Variants in KTN1 observed in about 807,000 individuals in gnomAD.
The protein encoded by KTN1 is kinectin 1, also known as kinectin.
KTN1 carries 130 observed loss-of-function variants against 222.5 expected under a neutral mutation model. The observed-to-expected ratio is 0.58, with a 90% CI of 0.51 to 0.68. The LOEUF is 0.68. Ranked by LOEUF, KTN1 falls within the 30% of genes least tolerant of loss-of-function variation. KTN1 has a pLI of 0.00. For missense variants in KTN1, 1,508 were observed against 1,500.4 expected (o/e 1.01, Z -0.08); for synonymous variants, 512 against 496.3 (o/e 1.03, Z -0.42).
intron 40 of KTN1, chr14:55,674,172 T>A (rs900672661): frequency 6.6e-6 from 1 of 152,100 alleles, no homozygotes; most frequent in Non-Finnish European, 1.5e-5. Context: ...ATGGCAAACA[T>A]TTATGGGAAT....
intron 1 of KTN1, among the ~76,000 whole-genome samples, chr14:55,609,591 C>T (rs1336906348): frequency 6.6e-6 from 1 of 152,154 alleles, no homozygotes; most frequent in Non-Finnish European, 1.5e-5. Flanking sequence ...GTCTCATACC[C>T]TCTCTTCTTG....
In KTN1 at chr14:55,631,341, G is replaced by GATTGATATATATATATATATATAT. The variant is rs1555371423; in HGVS notation, c.1221+1246_1221+1247insTGATATATATATATATATATATAT. On this transcript the variant is annotated intron_variant, in intron 7 of 43. Coordinates refer to ENST00000395314, the MANE Select transcript of KTN1 (RefSeq NM_001079521.2). The stretch of plus-strand genomic sequence containing the variant: ...CTAAAACTCACCTATTGATAAGGTT[G>GATTGATATATATATATATATATAT]ATATATATATATATATATATATATA... Among the ~76,000 whole-genome samples the GATTGATATATATATATATATATAT allele has an allele frequency of 7.0e-5, 8 of 114,700 alleles. No homozygotes were observed. The East Asian group carries it at 7.6e-4, about 11-fold the overall frequency. 75.2% of individuals were successfully genotyped at this position (114,700 alleles called of 152,430 possible).
chr14:55,602,620 C>T (rs1478154873), intron 1 of KTN1, among the ~76,000 whole-genome samples: 17 of 150,278 alleles, frequency 1.1e-4, no homozygotes, highest in Admixed American at 4.0e-4. Flanking sequence ...CTCCCTCTGT[C>T]GCCCATGTTA....
At position 55,661,368 on chromosome 14, in the gene KTN1, G is replaced by T. The variant is rs138523302; in HGVS notation, c.3000-154G>T. The T allele has an allele frequency of 2.0e-3, 960 of 488,298 alleles. 5 individuals are homozygous for T. Among genetic ancestry groups the T allele is most frequent in the African/African-American group, 7.5e-3 (380 of 50,702 alleles). 30.2% of individuals were successfully genotyped at this position (488,298 alleles called of 1,614,324 possible). A position where few individuals can be genotyped will look rare whatever the true frequency, so the allele number is the denominator to read the frequency against. On this transcript the variant is annotated intron_variant, in intron 31 of 43. Coordinates refer to ENST00000395314, the MANE Select transcript of KTN1 (RefSeq NM_001079521.2). ...TTCTGAAATTCATAGGATGGGCTTT[G>T]TATGGTCAACAGTAGGTAGACTCTT...
intron 1 of KTN1, among the ~76,000 whole-genome samples, chr14:55,590,278 A>T (rs532721799): frequency 6.6e-6 from 1 of 152,328 alleles, no homozygotes; most frequent in Admixed American, 6.5e-5. Context: ...AATGATTCAG[A>T]CATATAAGAA....
intron 37 of KTN1, 87 bp from the exon 38 acceptor site, chr14:55,672,543 G>A: frequency 1.3e-6 from 1 of 776,604 alleles, no homozygotes; most frequent in Non-Finnish European, 2.2e-6. Flanking sequence ...CCTTGGAAGT[G>A]TCTTTTAATT....
chr14:55,641,072 C>G, intron 16 of KTN1, 55 bp from the exon 17 acceptor site: 4 of 1,471,832 alleles, frequency 2.7e-6, no homozygotes, highest in Admixed American at 1.8e-5. Context: ...GCCCATAATT[C>G]TTGTAGATTT....
At chr14:55,636,649 A>G (rs2041158005) in intron 10 of KTN1, 113 bp downstream of exon 10, 1 of 661,508 alleles carries the variant, frequency 1.5e-6, no homozygotes, top group African/African-American at 1.8e-5. Context: ...GCTCAATAAA[A>G]ATAGCTTTTA....
Position 55,640,021 on chromosome 14 carries a change from A to G in KTN1, c.1914+18A>G. On this transcript the variant is annotated intron_variant, in intron 14 of 43. Transcript: ENST00000395314. The stretch of plus-strand genomic sequence containing the variant: ...AACTTAAGGTATAGTAATTTGTATA[A>G]ATGGCTGCAATATTTTACAGAACTG... 7.3e-7 allele frequency: 1 copy of G among 1,368,726 alleles called. No homozygotes were observed. Among genetic ancestry groups the G allele is most frequent in the South Asian group, 1.2e-5 (1 of 84,298 alleles). The allele number at this position is 1,368,726 out of a possible 1,614,324, so 84.8% of individuals were successfully genotyped here. A position where few individuals can be genotyped will look rare whatever the true frequency, so the allele number is the denominator to read the frequency against.
intron 1 of KTN1, among the ~76,000 whole-genome samples, chr14:55,604,736 G>A (rs547851225): frequency 6.6e-6 from 1 of 151,988 alleles, no homozygotes; most frequent in African/African-American, 2.4e-5. Context: ...GAATAATAAA[G>A]ACTATTGTGG....
intron 1 of KTN1, among the ~76,000 whole-genome samples, chr14:55,605,299 C>T (rs191713102): frequency 4.6e-5 from 7 of 152,254 alleles, no homozygotes; most frequent in East Asian, 3.9e-4. Flanking sequence ...TTATTTGAGA[C>T]GGAGTATTGC....
Position 55,667,169 on chromosome 14 carries a change from GT to G in KTN1, c.3178-65del, listed in dbSNP as rs531123897. The G allele has an allele frequency of 3.5e-3, 3,464 of 986,626 alleles. 12 individuals carry two copies. Among genetic ancestry groups the G allele is most frequent in the Middle Eastern group, 4.7e-3 (22 of 4,696 alleles). The allele number at this position is 986,626 out of a possible 1,614,324, so 61.1% of individuals were successfully genotyped here. ...TCCCGTAGAATTATAAAACACTATA[GT>G]TTTTTTCTTTTCTTTTTTTAAAAAC... On this transcript the variant is annotated intron_variant, in intron 33 of 43. Coordinates refer to ENST00000395314, the MANE Select transcript of KTN1 (RefSeq NM_001079521.2).
At chr14:55,622,905 C>T (rs2039347909) in intron 5 of KTN1, among the ~76,000 whole-genome samples, 2 of 152,200 alleles carry the variant, frequency 1.3e-5, no homozygotes, top group Admixed American at 1.3e-4. Context: ...GCAGCCTCAT[C>T]TAATGACATT....
intron 33 of KTN1, among the ~76,000 whole-genome samples, chr14:55,665,340 T>G (rs1389008064): frequency 1.3e-5 from 2 of 152,048 alleles, no homozygotes; most frequent in African/African-American, 4.8e-5. Flanking sequence ...ATCACACCAT[T>G]CCTACAAGAA....
intron 41 of KTN1, among the ~76,000 whole-genome samples, chr14:55,676,485 A>T (rs966430631): frequency 6.6e-6 from 1 of 152,156 alleles, no homozygotes; most frequent in Admixed American, 6.5e-5. Flanking sequence ...TTTTAGAGCT[A>T]TGATAGTGTT....
At chr14:55,633,413 C>T (rs1393456692) in intron 8 of KTN1, 72 bp downstream of exon 8, 8 of 841,660 alleles carry the variant, frequency 9.5e-6, no homozygotes, top group South Asian at 2.4e-5. Flanking sequence ...ATATTAATAG[C>T]GTTTGATAGT....
chr14:55,625,143 A>G (rs2039645134), intron 5 of KTN1, among the ~76,000 whole-genome samples: 1 of 152,160 alleles, frequency 6.6e-6, no homozygotes, highest in African/African-American at 2.4e-5. Flanking sequence ...TGCCACTTGC[A>G]GCTTTGTGGC....
chr14:55,639,217 T>G lies in KTN1; in HGVS notation c.1818T>G (p.His606Gln). Residue 606 changes from histidine to glutamine, a missense_variant, in exon 13 of 44, where the codon CAT (histidine) becomes CAG (glutamine). His to Gln is a conservative substitution (Grantham distance 24). Coordinates refer to ENST00000395314, the MANE Select transcript of KTN1 (RefSeq NM_001079521.2). ...TSASVLAEEL[H>Q]KVIAEKDKQI... Reference sequence around the variant, plus strand: ...CTTCAGTTCTAGCAGAAGAATTACATAAAGTGTAAGCCTACCTTTTCACAC... The same window carrying G: ...CTTCAGTTCTAGCAGAAGAATTACAGAAAGTGTAAGCCTACCTTTTCACAC... 1 of 1,603,460 alleles carries G rather than the reference T, an allele frequency of 6.2e-7. No homozygotes were observed. Among genetic ancestry groups the G allele is most frequent in the Non-Finnish European group, 8.5e-7 (1 of 1,170,980 alleles).
intron 1 of KTN1, among the ~76,000 whole-genome samples, chr14:55,592,038 T>C (rs1245026705): frequency 1.3e-5 from 2 of 152,240 alleles, no homozygotes; most frequent in South Asian, 2.1e-4. Flanking sequence ...TTATGTGTTA[T>C]AAATGTCTTC....
Sources: gnomAD v4.1 joint callset for allele counts (sites outside exome capture counted in the v4.1 genomes callset) on GRCh38, gnomAD v4.1.1 for gene constraint, MANE v1.5 for transcripts, NCBI Gene and HGNC (gene_info 2026-07-23, HGNC 2026-07-21) for gene names.